The following EYS variants were observed in gnomAD, a reference collection of about 807,000 sequenced individuals.
EYS encodes the protein EGF-like photoreceptor maintenance factor.
Under a neutral mutation model 282.1 loss-of-function variants are expected in EYS, and 250 were observed. The ratio of observed to expected loss-of-function variants is 0.89; its 90% CI spans 0.80 to 0.98. EYS has a LOEUF of 0.98. EYS is among the 50% of genes least tolerant of loss of function. EYS has a pLI of 0.00. For synonymous variants in EYS, 1,355 were observed against 1,282.9 expected (o/e 1.06, Z -1.20); for missense variants, 4,016 against 3,709.0 (o/e 1.08, Z -2.15).
intron 13 of EYS, among the ~76,000 whole-genome samples, chr6:64,999,463 G>A (rs1014998178): frequency 6.6e-6 from 1 of 152,120 alleles, no homozygotes; most frequent in Non-Finnish European, 1.5e-5. Flanking sequence ...TACAGAAGGG[G>A]GAAGGGAAGT....
intron 29 of EYS, among the ~76,000 whole-genome samples, chr6:64,381,974 C>A (rs1772761088): frequency 6.6e-6 from 1 of 152,030 alleles, no homozygotes; most frequent in South Asian, 2.1e-4. Context: ...TTAATAATAT[C>A]CATATCAAAG....
intron 22 of EYS, among the ~76,000 whole-genome samples, chr6:64,806,465 TG>T (rs1172321764): frequency 1.3e-5 from 2 of 152,072 alleles, no homozygotes; most frequent in African/African-American, 2.4e-5. Flanking sequence ...TAGGATATCG[TG>T]GTCCCTAAGA....
chr6:63,764,708 A>C (rs1451032681), intron 40 of EYS, among the ~76,000 whole-genome samples: 7 of 152,050 alleles, frequency 4.6e-5, no homozygotes, highest in African/African-American at 1.7e-4. Flanking sequence ...TAAAGTAGAT[A>C]AATCACATTA....
chr6:64,197,963 A>C (rs1765342332), intron 31 of EYS, among the ~76,000 whole-genome samples: 1 of 150,864 alleles, frequency 6.6e-6, no homozygotes, highest in African/African-American at 2.4e-5. Flanking sequence ...TTTATTTTAC[A>C]CTATTTCTTT....
At chr6:64,394,918 C>A (rs997757876) in intron 28 of EYS, among the ~76,000 whole-genome samples, 23 of 152,102 alleles carry the variant, frequency 1.5e-4, no homozygotes, top group Non-Finnish European at 2.4e-4. Context: ...CTACAATGAA[C>A]TCAAACAAAT....
intron 5 of EYS, among the ~76,000 whole-genome samples, chr6:65,473,077 T>G (rs1043181011): frequency 1.3e-5 from 2 of 151,934 alleles, no homozygotes; most frequent in African/African-American, 4.8e-5. Context: ...AATCCAATGG[T>G]GCTAAATTCA....
Position 65,095,160 on chromosome 6 carries a change from C to T in EYS, c.2024-37433G>A, listed in dbSNP as rs1004609209. ...TGAAAAAAGAGATAGCCTGATTAGG[C>T]CAATAACGAAGAAAAAGATTCAATC... is the stretch of plus-strand genomic sequence containing the variant. On this transcript the variant is annotated intron_variant, in intron 12 of 42. Transcript: ENST00000503581. Among the ~76,000 whole-genome samples, 8 of 150,980 alleles carry T rather than the reference C, an allele frequency of 5.3e-5. No individual in the cohort carries two copies. The Admixed American group carries it at 5.3e-4, about 10-fold the overall frequency.
intron 28 of EYS, among the ~76,000 whole-genome samples, chr6:64,425,657 GAAAAAA>G (rs34577912): frequency 1.5e-5 from 1 of 67,848 alleles, no homozygotes; most frequent in Non-Finnish European, 2.8e-5. Flanking sequence ...TCCATCCCAG[GAAAAAA>G]AAAAAAAAAA....
intron 31 of EYS, among the ~76,000 whole-genome samples, chr6:64,089,229 T>C (rs1772267932): frequency 6.6e-6 from 1 of 151,640 alleles, no homozygotes; most frequent in Non-Finnish European, 1.5e-5. Context: ...GTGATTTAAA[T>C]GAATATCACC....
rs1006703689 is a variant in EYS, at chr6:64,259,246, C to T, written c.6192-28422G>A. 2.9e-4 allele frequency among the ~76,000 whole-genome samples: 44 copies of T among 152,054 alleles called. 1 individual carries two copies. The highest frequency in any genetic ancestry group is 6.6e-5 in the Admixed American group (1 of 15,248). On this transcript the variant is annotated intron_variant, in intron 30 of 42. Transcript: ENST00000503581. ...TTACCCCACTGGCTACTCTTGCTCC[C>T]AGCCCTGTTATATTTGAAATAAAGT... is the stretch of plus-strand genomic sequence containing the variant.
chr6:64,299,177 A>C (rs1203115410), intron 30 of EYS, among the ~76,000 whole-genome samples: 1 of 152,236 alleles, frequency 6.6e-6, no homozygotes, highest in Non-Finnish European at 1.5e-5. Flanking sequence ...GTTTATCTAC[A>C]TAGCTTGTTT....
intron 28 of EYS, among the ~76,000 whole-genome samples, chr6:64,394,961 A>C (rs1306929410): frequency 2.0e-5 from 3 of 152,222 alleles, no homozygotes; most frequent in African/African-American, 7.2e-5. Context: ...CCCATCAAAA[A>C]GTGGGCGAAG....
At chr6:63,842,383 C>T (rs1480236539) in intron 36 of EYS, among the ~76,000 whole-genome samples, 2 of 152,132 alleles carry the variant, frequency 1.3e-5, no homozygotes, top group Non-Finnish European at 2.9e-5. Flanking sequence ...TTTTTTCATA[C>T]ATCTGTTGCC....
intron 12 of EYS, among the ~76,000 whole-genome samples, chr6:65,245,633 T>C (rs1454480365): frequency 1.3e-5 from 2 of 152,056 alleles, no homozygotes; most frequent in African/African-American, 2.4e-5. Context: ...CTGTTGTTTT[T>C]CTTCTAAATT....
intron 37 of EYS, among the ~76,000 whole-genome samples, chr6:63,800,426 T>C (rs116215826): frequency 0.012 from 1,812 of 152,370 alleles, 30 homozygotes; most frequent in African/African-American, 0.042. Flanking sequence ...GTAGTGGTTC[T>C]GGTTTGCAAG....
chr6:64,405,048 C>T (rs933879934), intron 28 of EYS, among the ~76,000 whole-genome samples: 1 of 151,952 alleles, frequency 6.6e-6, no homozygotes, highest in African/African-American at 2.4e-5. Flanking sequence ...CATACGTAAA[C>T]GTATGCCATG....
intron 22 of EYS, among the ~76,000 whole-genome samples, chr6:64,707,630 A>C (rs1771073644): frequency 6.9e-6 from 1 of 145,806 alleles, no homozygotes; most frequent in South Asian, 2.2e-4. Context: ...ACGCCACTGC[A>C]CTCCAGCCGG....
intron 31 of EYS, among the ~76,000 whole-genome samples, chr6:64,222,499 A>T: frequency 6.6e-6 from 1 of 152,000 alleles, no homozygotes; most frequent in East Asian, 1.9e-4. Flanking sequence ...TATCATCCAA[A>T]TTTATACTCT....
chr6:64,464,601 A>T (rs1412177849), intron 26 of EYS, among the ~76,000 whole-genome samples: 2 of 152,118 alleles, frequency 1.3e-5, no homozygotes, highest in African/African-American at 4.8e-5. Flanking sequence ...AATTTGCAAA[A>T]TACTAAATCA....
Sources: allele counts gnomAD v4.1 joint callset (sites outside exome capture counted in the v4.1 genomes callset), GRCh38; gene constraint gnomAD v4.1.1; transcripts MANE v1.5; gene names NCBI Gene and HGNC (gene_info 2026-07-23, HGNC 2026-07-21).